TRAPPC14: variants seen among roughly 807,000 people sequenced by gnomAD.
TRAPPC14 encodes microtubule associated protein 11.
A neutral mutation model predicts 56.6 loss-of-function variants in TRAPPC14; 24 were observed. The ratio of observed to expected loss-of-function variants is 0.42; its 90% CI spans 0.31 to 0.60. TRAPPC14 has a LOEUF of 0.60. TRAPPC14 is among the 20% of genes least tolerant of loss of function. TRAPPC14 has a pLI of 0.14. For missense variants in TRAPPC14, 615 were observed against 790.3 expected, an observed-to-expected ratio of 0.78 and a Z score of 2.66; for synonymous variants, 377 against 347.0, an observed-to-expected ratio of 1.09 and a Z score of -0.96.
Position 100,158,119 on chromosome 7 carries a change from C to T in TRAPPC14, c.381G>A (p.Pro127=). The T allele has an allele frequency of 1.3e-6, 2 of 1,500,186 alleles. No homozygotes were observed. The highest frequency in any genetic ancestry group is 2.3e-5 in the Admixed American group (1 of 43,784). 92.9% of individuals were successfully genotyped at this position (1,500,186 alleles called of 1,614,324 possible). Residue 127 remains proline (P), a synonymous_variant, in exon 1 of 11, where the codon CCG becomes CCA. Coordinates refer to ENST00000316937, the MANE Select transcript of TRAPPC14 (RefSeq NM_018275.5). ...RGCSPLLTHG[P]GPATSGGATT... ...TCGCTCCCCCTGAGGTAGCAGGGCC[C>T]GGGCCGTGGGTGAGAAGGGGGCTGC...
chr7:100,155,535 A>T, intron 9 of TRAPPC14, 80 bp from the exon 10 acceptor site: 1 of 1,506,476 alleles, frequency 6.6e-7, no homozygotes, highest in Non-Finnish European at 8.9e-7. Context: ...CCCATGTGAC[A>T]GACTGATGTC....
Position 100,155,264 on chromosome 7 carries a change from C to G in TRAPPC14, c.1587G>C (p.Met529Ile). 6.4e-7 allele frequency: 1 copy of G among 1,573,196 alleles called. No homozygotes were observed. The highest frequency in any genetic ancestry group is 8.6e-7 in the Non-Finnish European group (1 of 1,159,908). ...SHQQPSRSHL[M>I]RSGSVMERRA... is the part of the protein sequence containing the mutation. ...TGCCACGCCCCCTGGTTCTGTACCTCATGAGGTGGCTTCGGGAAGGCTGCT... is the reference window on the plus strand; with the variant it reads ...TGCCACGCCCCCTGGTTCTGTACCTGATGAGGTGGCTTCGGGAAGGCTGCT... Residue 529 changes from methionine to isoleucine, a missense_variant and splice_region_variant, in exon 10 of 11, where the codon ATG (methionine) becomes ATC (isoleucine). Met to Ile is a conservative substitution (Grantham distance 10). Coordinates refer to ENST00000316937, the MANE Select transcript of TRAPPC14 (RefSeq NM_018275.5).
rs1297503898 is a variant in TRAPPC14 at position 100,155,746 on chromosome 7, G to A, written c.1320C>T (p.Asn440=). ...DSVVCHTPLN[N]LGFSRKGSAL... is the part of the protein sequence containing the mutation. ...CGCTGCCCTTCCGGGAAAAGCCAAGGTTGTTGAGGGGCGTGTGGCAGACGA... is the reference window on the plus strand; with the variant it reads ...CGCTGCCCTTCCGGGAAAAGCCAAGATTGTTGAGGGGCGTGTGGCAGACGA... The change falls in exon 9 of 11, where the codon AAC becomes AAT. Residue 440 remains asparagine, a synonymous_variant. Coordinates refer to ENST00000316937, the MANE Select transcript of TRAPPC14 (RefSeq NM_018275.5). 1.2e-6 allele frequency: 2 copies of A among 1,614,214 alleles called. No homozygotes were observed. Among genetic ancestry groups the A allele is most frequent in the East Asian group, 4.5e-5 (2 of 44,890 alleles).
At position 100,154,896 on chromosome 7, in the gene TRAPPC14, G is replaced by T. The variant is rs949960281; in HGVS notation, c.*115C>A. The T allele has an allele frequency of 9.0e-6, 9 of 1,003,434 alleles. No homozygotes were observed. The highest frequency in any genetic ancestry group is 2.1e-4 in the Middle Eastern group (1 of 4,710). The allele number at this position is 1,003,434 out of a possible 1,614,324, so 62.2% of individuals were successfully genotyped here. On this transcript the variant is annotated 3_prime_UTR_variant, in exon 11 of 11. Transcript: ENST00000316937. ...AGACACAAGACAGGCAGCTCTGCCA[G>T]GCCTCTTCACCCCCGTCTGGGAGGC...
Position 100,156,977 on chromosome 7 carries a change from T to C in TRAPPC14, c.861A>G (p.Glu287=), listed in dbSNP as rs1020189671. Residue 287 remains glutamate (E), a synonymous_variant, in exon 6 of 11, where the codon GAA becomes GAG. Coordinates refer to ENST00000316937, the MANE Select transcript of TRAPPC14 (RefSeq NM_018275.5). ...GGCGGCAGAAGGAGCCCATGGAGAC[T>C]TCCCCAGACTGGTGACTAGCTCAGA... ...LVDNVCHQSG[E]VSMGSFCRLP... 1 of 1,614,024 alleles carries C rather than the reference T, an allele frequency of 6.2e-7. No individual in the cohort carries two copies. Among genetic ancestry groups the C allele is most frequent in the South Asian group, 1.1e-5 (1 of 91,086 alleles).
In TRAPPC14 at chr7:100,157,463, CG is replaced by C. The variant is rs1239646032; in HGVS notation, c.638-5del. The C allele has an allele frequency of 6.2e-7, 1 of 1,611,700 alleles. No homozygotes were observed. The highest frequency in any genetic ancestry group is 1.3e-5 in the African/African-American group (1 of 74,852). On this transcript the variant is annotated splice_region_variant and splice_polypyrimidine_tract_variant and intron_variant, in intron 3 of 10. Transcript: ENST00000316937. ...AGCAGAGTCAGCAGCGTGCTCACTG[CG>C]GGAGGGGGTGGGGGCAAGAAGTGAT...
At position 100,155,765 on chromosome 7, in the gene TRAPPC14, C is replaced by G; in HGVS notation, c.1301G>C (p.Cys434Ser). The change falls in exon 9 of 11, where the codon TGC (cysteine) becomes TCC (serine). Residue 434 changes from cysteine to serine, a missense_variant. By Grantham distance (112) the Cys-to-Ser change is moderately radical (BLOSUM62 -1). Coordinates refer to ENST00000316937, the MANE Select transcript of TRAPPC14 (RefSeq NM_018275.5). ...GCCAAGGTTGTTGAGGGGCGTGTGG[C>G]AGACGACGGAGTCCAGGGCAGCCTG... The part of the protein sequence containing the change: ...AMQAALDSVV[C>S]HTPLNNLGFS... 1 of 1,614,218 alleles carries G rather than the reference C, an allele frequency of 6.2e-7. No individual in the cohort carries two copies. Among genetic ancestry groups the G allele is most frequent in the Admixed American group, 1.7e-5 (1 of 60,024 alleles).
Position 100,156,467 on chromosome 7 carries a change from T to C in TRAPPC14, c.1159A>G (p.Thr387Ala). ...TTGTTAAGCAGCGTGTAGGTGACAG[T>C]GAAACGCTCGTAGGTCCGAACAGGG... ...KSPVRTYERF[T>A]VTYTLLNNLQ... The change falls in exon 8 of 11, where the codon ACT becomes GCT. Residue 387 changes from threonine (T) to alanine (A), a missense_variant. Physicochemically the swap from Thr to Ala is moderately conservative, Grantham distance 58 (BLOSUM62 0). Transcript: ENST00000316937. 1 of 1,614,104 alleles carries C rather than the reference T, an allele frequency of 6.2e-7. No individual in the cohort carries two copies. Among genetic ancestry groups the C allele is most frequent in the Non-Finnish European group, 8.5e-7 (1 of 1,180,020 alleles).
chr7:100,157,595 C>T, intron 3 of TRAPPC14, 38 bp downstream of exon 3: 1 of 1,611,200 alleles, frequency 6.2e-7, no homozygotes, highest in Non-Finnish European at 8.5e-7. Flanking sequence ...CCCCAATTCC[C>T]AGACTCTAGC....
chr7:100,155,467 C>G lies in TRAPPC14; in HGVS notation c.1396-12G>C, dbSNP rs1798858599. On this transcript the variant is annotated splice_polypyrimidine_tract_variant and intron_variant, in intron 9 of 10. Coordinates refer to ENST00000316937, the MANE Select transcript of TRAPPC14 (RefSeq NM_018275.5). ...ATGTGCTGGCTTAGCTGGGGGGAGA[C>G]ACAGGTCAGCATGCCAGCTCGGCTT... is the stretch of plus-strand genomic sequence containing the variant. 6.6e-7 allele frequency: 1 copy of G among 1,518,324 alleles called. No individual in the cohort carries two copies. The highest frequency in any genetic ancestry group is 8.8e-7 in the Non-Finnish European group (1 of 1,131,950). The allele number at this position is 1,518,324 out of a possible 1,614,324, so 94.1% of individuals were successfully genotyped here.
chr7:100,156,324 C>T, intron 8 of TRAPPC14, 62 bp downstream of exon 8: 2 of 1,579,222 alleles, frequency 1.3e-6, no homozygotes, highest in Non-Finnish European at 1.7e-6. Flanking sequence ...TCCTGCCTCC[C>T]TGACTTTTTC....
intron 1 of TRAPPC14, 44 bp downstream of exon 1, chr7:100,158,045 A>G: frequency 7.1e-7 from 1 of 1,405,718 alleles, no homozygotes; most frequent in Non-Finnish European, 9.4e-7. Context: ...GGCCCCCAGC[A>G]AACCGCCCCT....
chr7:100,155,677 G>A lies in TRAPPC14; in HGVS notation c.1389C>T (p.Leu463=), dbSNP rs778714005. Reference sequence around the variant, plus strand: ...CAGACCCTCCCCAGCCCACCTCGAAGAGCCCCGTCCTCAGAGCCTGGAAGG... The same window carrying A: ...CAGACCCTCCCCAGCCCACCTCGAAAAGCCCCGTCCTCAGAGCCTGGAAGG... The part of the protein sequence containing the change: ...SVAFQALRTG[L]FELSQHMKLK... Residue 463 remains leucine, a synonymous_variant, in exon 9 of 11, where the codon CTC becomes CTT. Coordinates refer to ENST00000316937, the MANE Select transcript of TRAPPC14 (RefSeq NM_018275.5). 2.5e-6 allele frequency: 4 copies of A among 1,602,160 alleles called. No homozygotes were observed. The highest frequency in any genetic ancestry group is 3.4e-6 in the Non-Finnish European group (4 of 1,172,896).
chr7:100,155,476 G>A (rs760929714), intron 9 of TRAPPC14, 21 bp from the exon 10 acceptor site: 2 of 1,512,438 alleles, frequency 1.3e-6, no homozygotes, highest in Non-Finnish European at 1.8e-6. Flanking sequence ...ACACAGGTCA[G>A]CATGCCAGCT....
rs772234150 is a variant in TRAPPC14, at chr7:100,156,868, G to C, written c.970C>G (p.Gln324Glu). The stretch of plus-strand genomic sequence containing the variant: ...ACCTCCTTGGCCCCTGGAGGGGGCT[G>C]CTCACCCCCTCTCAGCTGAAACAGG... Reference protein sequence around the residue: ...NFLFQLRGGEQPPPGAKEGLE... With the variant: ...NFLFQLRGGEEPPPGAKEGLE... The change falls in exon 6 of 11, where the codon CAG (glutamine) becomes GAG (glutamate). Residue 324 changes from glutamine to glutamate, a missense_variant. Physicochemically the swap from Gln to Glu is conservative, Grantham distance 29 (BLOSUM62 2). Transcript: ENST00000316937. The C allele has an allele frequency of 6.2e-7, 1 of 1,614,084 alleles. No individual in the cohort carries two copies. Among genetic ancestry groups the C allele is most frequent in the South Asian group, 1.1e-5 (1 of 91,082 alleles).
Position 100,155,183 on chromosome 7 carries a change from T to C in TRAPPC14, c.1590-19A>G. The C allele has an allele frequency of 6.2e-7, 1 of 1,609,730 alleles. No homozygotes were observed. The highest frequency in any genetic ancestry group is 1.1e-5 in the South Asian group (1 of 90,708). On this transcript the variant is annotated intron_variant, in intron 10 of 10. Transcript: ENST00000316937. Reference sequence around the variant, plus strand: ...GCCCGACCTGGGGGAAGGCAGAGGCTGTGGGCGCTGGTCAGACCCGGCACC... The same window carrying C: ...GCCCGACCTGGGGGAAGGCAGAGGCCGTGGGCGCTGGTCAGACCCGGCACC...
At position 100,155,007 on chromosome 7, in the gene TRAPPC14, G is replaced by A. The variant is rs757115018; in HGVS notation, c.*4C>T. 77 of 1,613,954 alleles carry A rather than the reference G, an allele frequency of 4.8e-5. No individual in the cohort carries two copies. The highest frequency in any genetic ancestry group is 2.8e-4 in the Admixed American group (17 of 59,994). On this transcript the variant is annotated 3_prime_UTR_variant, in exon 11 of 11. Transcript: ENST00000316937. The stretch of plus-strand genomic sequence containing the variant: ...GTGTAAGAGGGAACAGAGCTGGCAC[G>A]GTGCTACTTGACGGGTTCCACCACC...
rs751250411 is a variant in TRAPPC14, at chr7:100,156,910, G to A, written c.928C>T (p.Leu310=). ...TGAAACAGGAAGTTGTGTTCCTCCA[G>A]GGCATTCAGCGGGCAGGGGAAGCAG... ...SGCFPCPLNA[L]EEHNFLFQLR... is the part of the protein sequence containing the mutation. Residue 310 remains leucine, a synonymous_variant, in exon 6 of 11, where the codon CTG becomes TTG. Coordinates refer to ENST00000316937, the MANE Select transcript of TRAPPC14 (RefSeq NM_018275.5). 1.2e-6 allele frequency: 2 copies of A among 1,614,122 alleles called. No homozygotes were observed. Among genetic ancestry groups the A allele is most frequent in the Non-Finnish European group, 1.7e-6 (2 of 1,180,042 alleles).
At position 100,155,839 on chromosome 7, in the gene TRAPPC14, C is replaced by T; in HGVS notation, c.1241-14G>A. The T allele has an allele frequency of 1.2e-6, 2 of 1,614,190 alleles. No homozygotes were observed. The highest frequency in any genetic ancestry group is 1.7e-6 in the Non-Finnish European group (2 of 1,180,034). On this transcript the variant is annotated splice_polypyrimidine_tract_variant and intron_variant, in intron 8 of 10. Transcript: ENST00000316937. Reference sequence around the variant, plus strand: ...ACAGCTGCTTTCCTGGGGGCAGAAACAGGGACCAGCAAACACTACAGCGTT... The same window carrying T: ...ACAGCTGCTTTCCTGGGGGCAGAAATAGGGACCAGCAAACACTACAGCGTT...
Sources: allele counts gnomAD v4.1 joint callset, GRCh38; gene constraint gnomAD v4.1.1; transcripts MANE v1.5; gene names NCBI Gene and HGNC (gene_info 2026-07-23, HGNC 2026-07-21).